The following SLC14A2 variants were observed in gnomAD, a reference collection of about 807,000 sequenced individuals.
SLC14A2 encodes urea transporter 2.
In SLC14A2, 91 loss-of-function variants were observed where a neutral mutation model predicts 104.6. The ratio of observed to expected loss-of-function variants is 0.87; its 90% confidence interval spans 0.73 to 1.04. The LOEUF (loss-of-function observed/expected upper bound fraction) is 1.04, where lower values mean the gene tolerates loss of function less well. Among genes scored for constraint, SLC14A2 ranks in the 50% least tolerant of loss-of-function variants. SLC14A2 has a pLI of 0.00. For synonymous variants in SLC14A2, 476 were observed against 466.4 expected (o/e 1.02, Z -0.27); for missense variants, 1,189 against 1,156.0 (o/e 1.03, Z -0.41).
At position 45,673,798 on chromosome 18, in the gene SLC14A2, C is replaced by A; in HGVS notation, c.2493C>A (p.His831Gln). 1 of 1,614,124 alleles carries A rather than the reference C, an allele frequency of 6.2e-7. No individual in the cohort carries two copies. The highest frequency in any genetic ancestry group is 8.5e-7 in the Non-Finnish European group (1 of 1,179,960). Residue 831 changes from histidine (H) to glutamine (Q), a missense_variant, in exon 18 of 20, where the codon CAC (histidine) becomes CAA (glutamine). By Grantham distance (24) the His-to-Gln change is conservative (BLOSUM62 0). Transcript: ENST00000255226. ...TCTACGTCATCACCTGGCAGACGCA[C>A]CTCCTCGCCATCGCCTGCGGTAGGT... ...GMFYVITWQT[H>Q]LLAIACALFA...
intron 1 of SLC14A2, among the ~76,000 whole-genome samples, chr18:45,291,562 A>C (rs560603649): frequency 1.3e-5 from 2 of 152,314 alleles, no homozygotes; most frequent in East Asian, 3.9e-4. Flanking sequence ...GAACCATGCC[A>C]GTGTCCTCAG....
At chr18:45,369,368 CAT>C (rs1415118539) in intron 1 of SLC14A2, among the ~76,000 whole-genome samples, 1 of 152,146 alleles carries the variant, frequency 6.6e-6, no homozygotes, top group African/African-American at 2.4e-5. Flanking sequence ...AACTAATTCA[CAT>C]GTTTGACTTA....
At chr18:45,469,811 T>C (rs2087212815) in intron 1 of SLC14A2, among the ~76,000 whole-genome samples, 2 of 152,182 alleles carry the variant, frequency 1.3e-5, no homozygotes, top group Non-Finnish European at 2.9e-5. Flanking sequence ...GTGTGGGGCA[T>C]GTCTGTGAAC....
At chr18:45,411,346 G>T (rs2086213682) in intron 1 of SLC14A2, among the ~76,000 whole-genome samples, 1 of 152,122 alleles carries the variant, frequency 6.6e-6, no homozygotes, top group African/African-American at 2.4e-5. Context: ...AAGATAAATG[G>T]AATCTCATCA....
chr18:45,566,517 A>G lies in SLC14A2; in HGVS notation c.-34-58114A>G, dbSNP rs73955862. On this transcript the variant is annotated intron_variant, in intron 2 of 20. Coordinates refer to the SLC14A2 transcript ENST00000586448. ...TGCATGTACATGCGCTCACGCTCGC[A>G]CACACACACACACACACACACACAC... Among the ~76,000 whole-genome samples the G allele has an allele frequency of 4.7e-3, 28 of 5,948 alleles. 1 individual carries two copies. The South Asian group carries it at 0.13, about 28-fold the overall frequency. The allele number at this position is 5,948 out of a possible 152,430, so 3.9% of individuals were successfully genotyped here.
At position 45,644,491 on chromosome 18, in the gene SLC14A2, G is replaced by C. The variant is rs143195417; in HGVS notation, c.1351+331G>C. 621 of 213,566 alleles carry C rather than the reference G, an allele frequency of 2.9e-3. 3 individuals carry two copies. Among genetic ancestry groups the C allele is most frequent in the African/African-American group, 9.3e-3 (412 of 44,302 alleles). 13.2% of individuals were successfully genotyped at this position (213,566 alleles called of 1,614,324 possible). On this transcript the variant is annotated intron_variant, in intron 10 of 19. Coordinates refer to ENST00000255226, the MANE Select transcript of SLC14A2 (RefSeq NM_007163.4). ...AAGGTAATTAACAGGTGATCTTCTT[G>C]GCATCTTAAACTAAATAATAGATGC...
At chr18:45,541,295 G>A (rs1337201213) in intron 2 of SLC14A2, among the ~76,000 whole-genome samples, 1 of 152,166 alleles carries the variant, frequency 6.6e-6, no homozygotes, top group Admixed American at 6.5e-5. Context: ...ATCAAGATTC[G>A]ACTGGCCCAC....
chr18:45,222,218 A>G (rs1395587511), intron 1 of SLC14A2, among the ~76,000 whole-genome samples: 1 of 152,208 alleles, frequency 6.6e-6, no homozygotes, highest in Non-Finnish European at 1.5e-5. Flanking sequence ...ATGAATGTTT[A>G]GGATCCTGCC....
intron 1 of SLC14A2, among the ~76,000 whole-genome samples, chr18:45,398,167 C>T (rs918040480): frequency 2.6e-5 from 4 of 152,190 alleles, no homozygotes; most frequent in Non-Finnish European, 4.4e-5. Context: ...AAGGCCCACA[C>T]AGCTTAAGAT....
At chr18:45,535,172 G>A (rs141810531) in intron 2 of SLC14A2, among the ~76,000 whole-genome samples, 269 of 152,270 alleles carry the variant, frequency 1.8e-3, no homozygotes, top group Non-Finnish European at 3.2e-3. Context: ...AGTCAGTCGC[G>A]TCTGGTGAGT....
intron 1 of SLC14A2, among the ~76,000 whole-genome samples, chr18:45,401,583 A>G (rs552491378): frequency 2.0e-5 from 3 of 152,370 alleles, no homozygotes; most frequent in Non-Finnish European, 2.9e-5. Context: ...GCATTTCATT[A>G]TAAGTGCAAA....
intron 2 of SLC14A2, among the ~76,000 whole-genome samples, chr18:45,505,411 A>C (rs1264413070): frequency 6.6e-6 from 1 of 152,192 alleles, no homozygotes; most frequent in African/African-American, 2.4e-5. Flanking sequence ...AAATGGAACC[A>C]AAAAAGAGGG....
chr18:45,574,208 A>C (rs537787451), intron 2 of SLC14A2, among the ~76,000 whole-genome samples: 1 of 152,268 alleles, frequency 6.6e-6, no homozygotes, highest in East Asian at 1.9e-4. Flanking sequence ...ACCTATATGC[A>C]TGTGTGCTTG....
chr18:45,518,292 A>C (rs566978198), intron 2 of SLC14A2, among the ~76,000 whole-genome samples: 3 of 152,328 alleles, frequency 2.0e-5, no homozygotes, highest in East Asian at 1.9e-4. Flanking sequence ...ACCATTAAAT[A>C]CTATGATTTT....
chr18:45,443,857 TAGTC>T (rs368573001), intron 1 of SLC14A2, among the ~76,000 whole-genome samples: 5 of 152,212 alleles, frequency 3.3e-5, no homozygotes, highest in African/African-American at 1.2e-4. Context: ...GAAATAATAA[TAGTC>T]AGCTGGGTGC....
rs546076090 is a variant in SLC14A2, at chr18:45,298,857, G to A, written c.-125+85666G>A. On this transcript the variant is annotated intron_variant, in intron 1 of 20. Coordinates refer to the SLC14A2 transcript ENST00000586448. ...CCTGGTTTTATTCCTTTTTGAATAT[G>A]ACAATGACATCTTTCTCATTCTCAA... 5.1e-4 allele frequency among the ~76,000 whole-genome samples: 77 copies of A among 152,188 alleles called. 1 individual carries two copies. The highest frequency in any genetic ancestry group is 4.8e-3 in the Admixed American group (73 of 15,290).
the SLC14A2 span, among the ~76,000 whole-genome samples, chr18:45,169,632 C>A: frequency 1.7e-3 from 266 of 152,260 alleles, no homozygotes; most frequent in African/African-American, 6.1e-3. Flanking sequence ...TGATATTCTG[C>A]CAAAGACCAT....
chr18:45,674,742 G>A (rs115167755), intron 18 of SLC14A2, among the ~76,000 whole-genome samples: 5 of 152,222 alleles, frequency 3.3e-5, no homozygotes, highest in Middle Eastern at 3.4e-3. Flanking sequence ...ATTACTATTC[G>A]TATTTTGCAA....
intron 2 of SLC14A2, among the ~76,000 whole-genome samples, chr18:45,577,453 A>C (rs1462372132): frequency 6.6e-6 from 1 of 152,206 alleles, no homozygotes; most frequent in Non-Finnish European, 1.5e-5. Flanking sequence ...TGATAGAAGA[A>C]GCATCACATA....
Sources: gnomAD v4.1 joint callset for allele counts (sites outside exome capture counted in the v4.1 genomes callset) on GRCh38, gnomAD v4.1.1 for gene constraint, MANE v1.5 for transcripts, NCBI Gene and HGNC (gene_info 2026-07-23, HGNC 2026-07-21) for gene names.